The following IQSEC2 variants were observed in gnomAD, a reference collection of about 807,000 sequenced individuals.
IQSEC2 encodes the protein IQ motif and SEC7 domain-containing protein 2.
Under a neutral mutation model 74.6 loss-of-function variants are expected in IQSEC2, and 6 were observed. The ratio of observed to expected loss-of-function variants is 0.08; its 90% CI spans 0.04 to 0.16. The LOEUF is 0.16. IQSEC2 is among the 10% of genes least tolerant of loss of function. IQSEC2 has a pLI of 1.00. For missense variants in IQSEC2, 734 were observed against 1,306.2 expected, an observed-to-expected ratio of 0.56 and a Z score of 6.75; for synonymous variants, 494 against 544.5, an observed-to-expected ratio of 0.91 and a Z score of 1.29.
chrX:53,227,868 A>T (rs1453490090), downstream of IQSEC2: 1 of 140,314 alleles, frequency 7.1e-6, no homozygotes, highest in Non-Finnish European at 1.4e-5. Context: ...CACCCGTCCT[A>T]GAAGATTAAA....
At chrX:53,294,862 G>A (rs781881062) in intron 1 of IQSEC2, among the ~76,000 whole-genome samples, 1 of 110,727 alleles carries the variant, frequency 9.0e-6, no homozygotes, top group South Asian at 3.8e-4. Flanking sequence ...TTGCTCTGTC[G>A]CCCAGGCTGG....
intron 4 of IQSEC2, 134 bp from the exon 5 acceptor site, chrX:53,251,308 G>A: frequency 1.5e-6 from 1 of 658,203 alleles, no homozygotes; most frequent in Non-Finnish European, 2.3e-6. Flanking sequence ...CAGCAAGGAG[G>A]GTGGATTCCC....
At chrX:53,253,852 GAGGCA>G (rs1569304615) in intron 4 of IQSEC2, among the ~76,000 whole-genome samples, 2 of 111,720 alleles carry the variant, frequency 1.8e-5, no homozygotes, top group Non-Finnish European at 3.8e-5. Flanking sequence ...GGTCTGCTGT[GAGGCA>G]TATACAGCAC....
chrX:53,255,770 C>T (rs1556864955), intron 3 of IQSEC2, 30 bp downstream of exon 3: 1 of 1,210,761 alleles, frequency 8.3e-7, no homozygotes, highest in Non-Finnish European at 1.1e-6. Context: ...CATCCCGACT[C>T]CCATTCCCAA....
intron 2 of IQSEC2, among the ~76,000 whole-genome samples, chrX:53,277,033 G>T (rs782765933): frequency 1.1e-3 from 115 of 106,300 alleles, no homozygotes; most frequent in Admixed American, 4.5e-3. Flanking sequence ...TATAGTTGTT[G>T]TTTTTTTTTT....
At chrX:53,246,893 A>G (rs1052013664) in intron 8 of IQSEC2, 76 bp downstream of exon 8, 2 of 915,063 alleles carry the variant, frequency 2.2e-6, no homozygotes, top group Non-Finnish European at 1.6e-6. Flanking sequence ...AACAGATGGG[A>G]TCTCCTGCAT....
At chrX:53,312,650 A>G (rs188168549) in intron 1 of IQSEC2, among the ~76,000 whole-genome samples, 3 of 112,247 alleles carry the variant, frequency 2.7e-5, no homozygotes, top group Non-Finnish European at 5.6e-5. Context: ...ACGTCATCTT[A>G]TTTAATTTTC....
chrX:53,299,757 C>CTT, intron 1 of IQSEC2, among the ~76,000 whole-genome samples: 1 of 105,202 alleles, frequency 9.5e-6, no homozygotes, highest in East Asian at 3.0e-4. Context: ...AAAGACAAGA[C>CTT]TTTTTTTTTT....
chrX:53,261,517 CAT>C (rs2074568625), intron 2 of IQSEC2, among the ~76,000 whole-genome samples: 2 of 109,613 alleles, frequency 1.8e-5, no homozygotes, highest in Admixed American at 1.9e-4. Context: ...CACACACACA[CAT>C]ACACTCACAC....
Position 53,238,310 on chromosome X carries a change from T to A in IQSEC2, c.3116-4A>T, listed in dbSNP as rs371502883. 10 of 1,208,572 alleles carry A rather than the reference T, an allele frequency of 8.3e-6. No individual in the cohort carries two copies. The African/African-American group carries it at 1.6e-4, about 19-fold the overall frequency. ...AACTTGATCCCAAACTGGTAATCTG[T>A]GGAGAAAGGGGAGACTGGGCACCTC... On this transcript the variant is annotated splice_polypyrimidine_tract_variant and splice_region_variant and intron_variant, in intron 11 of 14. Transcript: ENST00000642864.
At chrX:53,245,613 TCA>T (rs1202937488) in intron 8 of IQSEC2, among the ~76,000 whole-genome samples, 1 of 111,048 alleles carries the variant, frequency 9.0e-6, no homozygotes, top group Admixed American at 9.6e-5. Flanking sequence ...TGTCTTGTGT[TCA>T]GTTTGCTTTT....
intron 1 of IQSEC2, among the ~76,000 whole-genome samples, chrX:53,317,876 T>C (rs2075393623): frequency 8.9e-6 from 1 of 112,134 alleles, no homozygotes; most frequent in South Asian, 3.7e-4. Context: ...GCCCTCCTGA[T>C]GCCAGGCCAG....
At chrX:53,241,458 G>A (rs782810546) in intron 10 of IQSEC2, among the ~76,000 whole-genome samples, 4 of 111,382 alleles carry the variant, frequency 3.6e-5, no homozygotes, top group Admixed American at 1.9e-4. Context: ...CTGGGGGGTC[G>A]CAGGTTCACC....
chrX:53,252,024 C>T (rs782569626), intron 4 of IQSEC2, among the ~76,000 whole-genome samples: 1 of 112,765 alleles, frequency 8.9e-6, no homozygotes, highest in East Asian at 2.8e-4. Context: ...CACGCCACTA[C>T]ACTCCAGCCT....
chrX:53,319,165 C>T (rs2075405287), intron 1 of IQSEC2, among the ~76,000 whole-genome samples: 1 of 112,217 alleles, frequency 8.9e-6, no homozygotes. Context: ...TTTCCTGAGG[C>T]AGAAGGTTTC....
At chrX:53,266,832 C>T (rs1436882011) in intron 2 of IQSEC2, 13 of 1,055,113 alleles carry the variant, frequency 1.2e-5, no homozygotes, top group Admixed American at 6.5e-5. Flanking sequence ...GGAAGGGGCA[C>T]GATGCTTGCC....
rs142272743 is a variant in IQSEC2 at position 53,266,268 on chromosome X, G to A, written c.738-10207C>T. 5.4e-3 allele frequency: 2,759 copies of A among 515,511 alleles called. 6 individuals carry two copies. The highest frequency in any genetic ancestry group is 5.8e-3 in the Non-Finnish European group (2,440 of 422,478). The allele number at this position is 515,511 out of a possible 1,213,427, so 42.5% of individuals were successfully genotyped here. A position where few individuals can be genotyped will look rare whatever the true frequency, so the allele number is the denominator to read the frequency against. ...CAGCCCTGGATAGGAAAGAAGGCAA[G>A]GCCCTGGTGGGGATTGGAAGAGGGA... On this transcript the variant is annotated intron_variant, in intron 2 of 14. Transcript: ENST00000642864.
chrX:53,228,447 C>T (rs2074051509), downstream of IQSEC2, among the ~76,000 whole-genome samples: 1 of 111,421 alleles, frequency 9.0e-6, no homozygotes, highest in Admixed American at 9.5e-5. Context: ...TGGGATGCAT[C>T]AGGAAACTCA....
rs782363226 is a variant in IQSEC2, at chrX:53,235,966, G to A, written c.3452-134C>T. ...CATTATCCCTTTCCCCCATTGAAGA[G>A]GGGGAGGCGGGGAGGAGGAGAGGTG... On this transcript the variant is annotated intron_variant, in intron 13 of 14. Coordinates refer to ENST00000642864, the MANE Select transcript of IQSEC2 (RefSeq NM_001111125.3). 129 of 587,938 alleles carry A rather than the reference G, an allele frequency of 2.2e-4. No homozygotes were observed. In the African/African-American group the frequency reaches 2.9e-3, roughly 13 times the overall value. 48.5% of individuals were successfully genotyped at this position (587,938 alleles called of 1,213,427 possible). A position where few individuals can be genotyped will look rare whatever the true frequency, so the allele number is the denominator to read the frequency against.
Sources: allele counts gnomAD v4.1 joint callset (sites outside exome capture counted in the v4.1 genomes callset), GRCh38; gene constraint gnomAD v4.1.1; transcripts MANE v1.5; gene names NCBI Gene and HGNC (gene_info 2026-07-23, HGNC 2026-07-21).